DYM: variants seen among roughly 807,000 people sequenced by gnomAD.
The protein encoded by DYM is dymeclin.
Under a neutral mutation model 93.1 loss-of-function variants are expected in DYM, and 78 were observed. The ratio of observed to expected loss-of-function variants is 0.84; its 90% CI spans 0.70 to 1.01. DYM has a LOEUF of 1.01. DYM is among the 50% of genes least tolerant of loss of function. DYM has a pLI of 0.00. For synonymous variants in DYM, 321 were observed against 319.7 expected (o/e 1.00, Z -0.04); for missense variants, 789 against 845.0 (o/e 0.93, Z 0.82).
Position 49,378,638 on chromosome 18 carries a change from A to G in DYM, c.350T>C (p.Phe117Ser), listed in dbSNP as rs1328354848. 6.2e-7 allele frequency: 1 copy of G among 1,613,368 alleles called. No individual in the cohort carries two copies. The highest frequency in any genetic ancestry group is 1.7e-5 in the Admixed American group (1 of 59,986). Reference protein sequence around the residue: ...LFIICCLLKVFICQMSEEELQ... With the variant: ...LFIICCLLKVSICQMSEEELQ... ...TTCCTCCTCTGACATCTGACAGATGAACACTTTCAGCAAACAGCAAATAAT... is the reference window on the plus strand; with the variant it reads ...TTCCTCCTCTGACATCTGACAGATGGACACTTTCAGCAAACAGCAAATAAT... The change falls in exon 5 of 18, where the codon TTC (phenylalanine) becomes TCC (serine). Residue 117 changes from phenylalanine to serine, a missense_variant. Phe to Ser is a radical substitution (Grantham distance 155, BLOSUM62 -2). This residue lies in a region of DYM where 450 missense variants were observed against 436.2 expected (regional missense o/e 1.03). Transcript: ENST00000675505.
intron 17 of DYM, among the ~76,000 whole-genome samples, chr18:49,093,785 G>T (rs1208103207): frequency 6.6e-6 from 1 of 152,138 alleles, no homozygotes; most frequent in African/African-American, 2.4e-5. Context: ...AACTGACAAA[G>T]AAACGAAAGA....
intron 17 of DYM, among the ~76,000 whole-genome samples, chr18:49,052,863 T>C (rs2075136164): frequency 6.6e-6 from 1 of 152,196 alleles, no homozygotes; most frequent in Non-Finnish European, 1.5e-5. Flanking sequence ...CTCATAGTCA[T>C]GGCAGGAATT....
chr18:49,102,391 A>G (rs1175323035), intron 16 of DYM, among the ~76,000 whole-genome samples: 1 of 152,032 alleles, frequency 6.6e-6, no homozygotes, highest in East Asian at 1.9e-4. Context: ...TCAATTTCCA[A>G]GTATTTGGAG....
At chr18:49,187,329 G>C (rs937690466) in intron 14 of DYM, among the ~76,000 whole-genome samples, 1 of 152,170 alleles carries the variant, frequency 6.6e-6, no homozygotes, top group African/African-American at 2.4e-5. Flanking sequence ...GCCCAATTCT[G>C]AGTATCAACT....
chr18:49,348,887 A>G (rs529179547), intron 6 of DYM, among the ~76,000 whole-genome samples: 168 of 140,966 alleles, frequency 1.2e-3, no homozygotes, highest in African/African-American at 4.3e-3. Flanking sequence ...CCAGCCGGGT[A>G]ACAGAGTGAG....
intron 17 of DYM, chr18:49,048,443 G>A (rs2071937607): frequency 6.6e-6 from 1 of 152,178 alleles, no homozygotes; most frequent in South Asian, 2.1e-4. Flanking sequence ...ACTTCTCATT[G>A]TTAGAAATAA....
At chr18:49,347,359 T>C (rs2064690089) in intron 6 of DYM, among the ~76,000 whole-genome samples, 1 of 152,160 alleles carries the variant, frequency 6.6e-6, no homozygotes, top group African/African-American at 2.4e-5. Context: ...ATATAAAAAT[T>C]AAGTTAATAA....
intron 2 of DYM, 125 bp from the exon 3 acceptor site, chr18:49,391,770 G>A (rs1300888339): frequency 1.4e-6 from 1 of 719,234 alleles, no homozygotes; most frequent in Non-Finnish European, 2.2e-6. Flanking sequence ...GCACAGTAGT[G>A]AACAATAAGA....
intron 17 of DYM, among the ~76,000 whole-genome samples, chr18:49,090,415 TAA>T (rs575213204): frequency 1.2e-3 from 181 of 152,320 alleles, no homozygotes; most frequent in African/African-American, 4.0e-3. Flanking sequence ...AACAATTTTT[TAA>T]AAGTCTAAAG....
At chr18:49,080,575 C>A (rs1225993831) in intron 17 of DYM, among the ~76,000 whole-genome samples, 1 of 138,622 alleles carries the variant, frequency 7.2e-6, no homozygotes, top group Non-Finnish European at 1.6e-5. Flanking sequence ...GACGGGGCGG[C>A]TGGCCGGGCG....
At chr18:49,298,410 T>C (rs1054576717) in intron 8 of DYM, among the ~76,000 whole-genome samples, 1 of 151,924 alleles carries the variant, frequency 6.6e-6, no homozygotes, top group Admixed American at 6.6e-5. Context: ...TGAAACCCCG[T>C]CTCTACTAAA....
At chr18:49,307,220 TG>T (rs2061326460) in intron 8 of DYM, among the ~76,000 whole-genome samples, 1 of 152,144 alleles carries the variant, frequency 6.6e-6, no homozygotes, top group Non-Finnish European at 1.5e-5. Context: ...TGTATAATAA[TG>T]GCTTCAACAA....
At chr18:49,381,340 A>T (rs765882981) in intron 3 of DYM, among the ~76,000 whole-genome samples, 8 of 152,232 alleles carry the variant, frequency 5.3e-5, no homozygotes, top group Non-Finnish European at 1.5e-5. Context: ...GCATTACAGC[A>T]TACCTGCATT....
intron 17 of DYM, among the ~76,000 whole-genome samples, chr18:49,096,945 C>T (rs567104347): frequency 6.6e-6 from 1 of 152,272 alleles, no homozygotes; most frequent in South Asian, 2.1e-4. Context: ...TCAGTTTCCT[C>T]ATCTGAAAAA....
chr18:49,301,420 C>T (rs1335336161), intron 8 of DYM, among the ~76,000 whole-genome samples: 6 of 150,890 alleles, frequency 4.0e-5, no homozygotes, highest in African/African-American at 1.5e-4. Context: ...ACTCGGGAGG[C>T]TGAGACAGGA....
intron 15 of DYM, among the ~76,000 whole-genome samples, chr18:49,133,095 A>G (rs2083520427): frequency 6.6e-6 from 1 of 152,194 alleles, no homozygotes; most frequent in Non-Finnish European, 1.5e-5. Flanking sequence ...ACAAATGATT[A>G]TAATTCTGTG....
At chr18:49,383,136 G>A (rs981658054) in intron 3 of DYM, among the ~76,000 whole-genome samples, 1 of 152,138 alleles carries the variant, frequency 6.6e-6, no homozygotes, top group Non-Finnish European at 1.5e-5. Context: ...GATGAAAAGG[G>A]AAACTTGCTT....
chr18:49,236,487 A>AACAAAT (rs1555652860), intron 13 of DYM, among the ~76,000 whole-genome samples: 1 of 149,118 alleles, frequency 6.7e-6, no homozygotes, highest in East Asian at 2.0e-4. Context: ...CTCAAAAAAA[A>AACAAAT]AAATAAATAA....
In DYM at chr18:49,038,858, C is replaced by A. The variant is rs1021636143; in HGVS notation, c.*5197G>T. Among the ~76,000 whole-genome samples, 1 of 152,214 alleles carries A rather than the reference C, an allele frequency of 6.6e-6. No homozygotes were observed. The highest frequency in any genetic ancestry group is 2.1e-4 in the South Asian group (1 of 4,828). On this transcript the variant is annotated 3_prime_UTR_variant, in exon 18 of 18. Transcript: ENST00000675505. Reference sequence around the variant, plus strand: ...GACTAATATTAAATGAATTTTTACTCTCTTCTTGGATGATGCCAAGTGTCT... The same window carrying A: ...GACTAATATTAAATGAATTTTTACTATCTTCTTGGATGATGCCAAGTGTCT...
Sources: gnomAD v4.1 joint callset for allele counts (sites outside exome capture counted in the v4.1 genomes callset) on GRCh38, gnomAD v4.1.1 for gene constraint, gnomAD v4.1.1 regional missense constraint, MANE v1.5 for transcripts, NCBI Gene and HGNC (gene_info 2026-07-23, HGNC 2026-07-21) for gene names.